Variants in MRPL28 observed in about 807,000 individuals in gnomAD.
The protein encoded by MRPL28 is large ribosomal subunit protein bL28m.
A neutral mutation model predicts 26.2 loss-of-function variants in MRPL28; 25 were observed. The ratio of observed to expected loss-of-function variants is 0.95; its 90% CI spans 0.69 to 1.33. MRPL28 has a LOEUF of 1.33. Among genes scored for constraint, MRPL28 ranks in the 40% most tolerant of loss-of-function variants. MRPL28 has a pLI of 0.00. For synonymous variants in MRPL28, 227 were observed against 140.1 expected (o/e 1.62, Z -4.38); for missense variants, 432 against 327.2 (o/e 1.32, Z -2.47).
At chr16:368,780 C>CT in intron 3 of MRPL28, 145 bp from the exon 4 acceptor site, 1 of 1,307,168 alleles carries the variant, frequency 7.7e-7, no homozygotes, top group Non-Finnish European at 1.0e-6. Context: ...GCACCCCAGC[C>CT]TGGGGGGTGG....
intron 5 of MRPL28, among the ~76,000 whole-genome samples, chr16:368,074 T>C (rs1002558680): frequency 3.3e-5 from 5 of 152,196 alleles, no homozygotes; most frequent in African/African-American, 1.2e-4. Context: ...GACCCTGGGA[T>C]GCTGGTGGCC....
intron 2 of MRPL28, 41 bp downstream of exon 2, chr16:369,890 A>C: frequency 6.3e-7 from 1 of 1,577,604 alleles, no homozygotes; most frequent in Non-Finnish European, 8.6e-7. Context: ...CGGCACAGCC[A>C]AGCCCTGAGA....
intron 5 of MRPL28, 70 bp from the exon 6 acceptor site, chr16:367,852 A>T: frequency 7.3e-7 from 1 of 1,360,994 alleles, no homozygotes. Flanking sequence ...CGGGGATGGG[A>T]TCAGCAGCTG....
intron 2 of MRPL28, chr16:369,458 G>C (rs903113781): frequency 1.6e-6 from 1 of 630,608 alleles, no homozygotes; most frequent in Non-Finnish European, 2.9e-6. Flanking sequence ...TTCCCGCCCT[G>C]GTCACATGGT....
In MRPL28 at chr16:367,446, G is replaced by C. The variant is rs1344693896; in HGVS notation, c.*229C>G. ...CGGCCCCACGGGCACAAGGAACACT[G>C]CCGCAAACGTCGGGGCCCAGCCTGA... On this transcript the variant is annotated 3_prime_UTR_variant, in exon 6 of 6. Transcript: ENST00000199706. 2 of 715,354 alleles carry C rather than the reference G, an allele frequency of 2.8e-6. No homozygotes were observed. Among genetic ancestry groups the C allele is most frequent in the East Asian group, 5.4e-5 (2 of 37,210 alleles). The allele number at this position is 715,354 out of a possible 1,614,324, so 44.3% of individuals were successfully genotyped here. A position where few individuals can be genotyped will look rare whatever the true frequency, so the allele number is the denominator to read the frequency against.
chr16:369,320 A>C, intron 2 of MRPL28, 100 bp from the exon 3 acceptor site: 1 of 1,436,336 alleles, frequency 7.0e-7, no homozygotes, highest in Non-Finnish European at 9.5e-7. Flanking sequence ...AGGCTCCATC[A>C]CAGAACCACT....
In MRPL28 at chr16:367,656, G is replaced by C; in HGVS notation, c.*19C>G. 6.2e-7 allele frequency: 1 copy of C among 1,604,758 alleles called. No individual in the cohort carries two copies. Reference sequence around the variant, plus strand: ...AGGGAAAGCTGGGCCTGTTGGTCAGGCATGGAGGAGCTGTGTGGTCACTGG... The same window carrying C: ...AGGGAAAGCTGGGCCTGTTGGTCAGCCATGGAGGAGCTGTGTGGTCACTGG... On this transcript the variant is annotated 3_prime_UTR_variant, in exon 6 of 6. Coordinates refer to ENST00000199706, the MANE Select transcript of MRPL28 (RefSeq NM_006428.5).
At chr16:369,307 C>CG (rs1555490307) in intron 2 of MRPL28, 87 bp from the exon 3 acceptor site, 18 of 1,508,256 alleles carry the variant, frequency 1.2e-5, no homozygotes, top group East Asian at 9.1e-5. Flanking sequence ...ACCTCCCCCC[C>CG]GGAGGCTCCA....
chr16:369,932 T>G lies in MRPL28; in HGVS notation c.287A>C (p.Lys96Thr). Residue 96 changes from lysine (K) to threonine (T), a missense_variant and splice_region_variant, in exon 2 of 6, where the codon AAG becomes ACG. Coordinates refer to ENST00000199706, the MANE Select transcript of MRPL28 (RefSeq NM_006428.5). The stretch of plus-strand genomic sequence containing the variant: ...CCTGAAGGCCGCCTGCGGACCCACC[T>G]TGTCGTTGTTGGCATATATTTGGCC... ...ILGQIYANND[K>T]LSKRLKKVWK... The G allele has an allele frequency of 6.2e-7, 1 of 1,608,596 alleles. No homozygotes were observed. Among genetic ancestry groups the G allele is most frequent in the Non-Finnish European group, 8.5e-7 (1 of 1,179,020 alleles).
chr16:369,392 C>T (rs190956290), intron 2 of MRPL28, 172 bp from the exon 3 acceptor site: 19 of 776,974 alleles, frequency 2.4e-5, no homozygotes, highest in Admixed American at 2.1e-4. Context: ...CGCCCCAGCC[C>T]GACCCGGGTC....
rs775563852 is a variant in MRPL28, at chr16:369,233, C to G, written c.289-13G>C. On this transcript the variant is annotated splice_polypyrimidine_tract_variant and intron_variant, in intron 2 of 5. Coordinates refer to ENST00000199706, the MANE Select transcript of MRPL28 (RefSeq NM_006428.5). ...GCCTCTTGGAGAGCTGAGGGTGCAA[C>G]AGAGCCTCCATGAGTACTGCTGCTT... 2 of 1,613,270 alleles carry G rather than the reference C, an allele frequency of 1.2e-6. No homozygotes were observed. The highest frequency in any genetic ancestry group is 1.7e-6 in the Non-Finnish European group (2 of 1,179,530).
Position 370,141 on chromosome 16 carries a change from G to A in MRPL28, c.78C>T (p.Gly26=), listed in dbSNP as rs2054309211. ...CCTCCTCCAGGGAGCGCAGGTAGTG[G>A]CCGGGCAGGCGGGAACAGATGCCCT... ...LREGICSRLP[G]HYLRSLEEER... is the part of the protein sequence containing the mutation. The change falls in exon 2 of 6, where the codon GGC becomes GGT. Residue 26 remains glycine (G), a synonymous_variant. Coordinates refer to ENST00000199706, the MANE Select transcript of MRPL28 (RefSeq NM_006428.5). 1.2e-6 allele frequency: 2 copies of A among 1,604,618 alleles called. No individual in the cohort carries two copies. The highest frequency in any genetic ancestry group is 1.7e-6 in the Non-Finnish European group (2 of 1,177,116).
chr16:369,835 G>T, intron 2 of MRPL28, 96 bp downstream of exon 2: 1 of 1,452,282 alleles, frequency 6.9e-7, no homozygotes, highest in Non-Finnish European at 9.3e-7. Context: ...AATCCCCAGG[G>T]CCCACCCAGG....
intron 2 of MRPL28, chr16:369,639 C>CCG: frequency 1.5e-6 from 1 of 683,292 alleles, no homozygotes; most frequent in Admixed American, 2.1e-5. Context: ...TCGCCTCTCC[C>CCG]ACCTGCTCTG....
At chr16:370,273 C>T in intron 1 of MRPL28, 48 bp from the exon 2 acceptor site, 1 of 1,474,444 alleles carries the variant, frequency 6.8e-7, no homozygotes. Flanking sequence ...GGCCAGGCCC[C>T]CGGCACTCAC....
Position 368,520 on chromosome 16 carries a change from G to C in MRPL28, c.557C>G (p.Ala186Gly), listed in dbSNP as rs199884108. 6.1e-5 allele frequency: 97 copies of C among 1,593,580 alleles called. No individual in the cohort carries two copies. Among genetic ancestry groups the C allele is most frequent in the Middle Eastern group, 1.7e-4 (1 of 5,990 alleles). The change falls in exon 4 of 6, where the codon GCC (alanine) becomes GGC (glycine). Residue 186 changes from alanine (A) to glycine (G), a missense_variant. Transcript: ENST00000199706. ...CCTCACCTTGTACTTGTCGTAGATG[G>C]CTGCCCGCCGCTCGGGGTCCTCGGG... ...LHPEDPERRAAIYDKYKEFAI... is the reference protein window; with the variant it reads ...LHPEDPERRAGIYDKYKEFAI...
In MRPL28 at chr16:367,459, G is replaced by A; in HGVS notation, c.*216C>T. 1.4e-6 allele frequency: 1 copy of A among 715,500 alleles called. No individual in the cohort carries two copies. The highest frequency in any genetic ancestry group is 2.6e-6 in the Non-Finnish European group (1 of 383,928). 44.3% of individuals were successfully genotyped at this position (715,500 alleles called of 1,614,324 possible). A position where few individuals can be genotyped will look rare whatever the true frequency, so the allele number is the denominator to read the frequency against. On this transcript the variant is annotated 3_prime_UTR_variant, in exon 6 of 6. Transcript: ENST00000199706. ...ACAAGGAACACTGCCGCAAACGTCG[G>A]GGCCCAGCCTGAGAGGAGCCTCTGG...
rs2054312042 is a variant in MRPL28 at position 370,243 on chromosome 16, C to T, written c.-7-18G>A. The stretch of plus-strand genomic sequence containing the variant: ...TCGCGAGCCTGGCGGGAGGTGGGGG[C>T]TCGCAGTCAGTCGCAGCCTGGCCAG... On this transcript the variant is annotated intron_variant, in intron 1 of 5. Coordinates refer to ENST00000199706, the MANE Select transcript of MRPL28 (RefSeq NM_006428.5). 3.9e-6 allele frequency: 6 copies of T among 1,537,242 alleles called. No individual in the cohort carries two copies. The highest frequency in any genetic ancestry group is 4.4e-6 in the Non-Finnish European group (5 of 1,146,844).
At position 368,553 on chromosome 16, in the gene MRPL28, TG is replaced by T; in HGVS notation, c.523del (p.Gln175SerfsTer60). On this transcript the variant is annotated frameshift_variant, in exon 4 of 6. Coordinates refer to ENST00000199706, the MANE Select transcript of MRPL28 (RefSeq NM_006428.5). LOFTEE classifies it high-confidence loss of function. Reference protein sequence around the residue: ...MLLRLARQDPQLHPEDPERRA... With the variant: ...MLLRLARQDPXLHPEDPERRA... ...CCGCTCGGGGTCCTCGGGGTGCAGC[TG>T]GGGGTCCTGCCGGGCAAGCCGCAGC... The T allele has an allele frequency of 6.3e-7, 1 of 1,595,766 alleles. No individual in the cohort carries two copies. Among genetic ancestry groups the T allele is most frequent in the Non-Finnish European group, 8.6e-7 (1 of 1,169,042 alleles).
Sources: gnomAD v4.1 joint callset for allele counts (sites outside exome capture counted in the v4.1 genomes callset) on GRCh38, gnomAD v4.1.1 for gene constraint, MANE v1.5 for transcripts, NCBI Gene and HGNC (gene_info 2026-07-23, HGNC 2026-07-21) for gene names.